Variants in HDAC4 observed in about 807,000 individuals in gnomAD.
HDAC4 encodes the protein histone deacetylase A.
In HDAC4, 16 loss-of-function variants were observed where a neutral mutation model predicts 135.1. The observed-to-expected ratio is 0.12, with a 90% confidence interval of 0.08 to 0.18. The LOEUF is 0.18. Ranked by LOEUF, HDAC4 falls within the 10% of genes least tolerant of loss-of-function variation. The pLI is 1.00. For missense variants in HDAC4, 1,143 were observed against 1,511.8 expected (o/e 0.76, Z 4.05); for synonymous variants, 685 against 653.4 (o/e 1.05, Z -0.74).
intron 2 of HDAC4, among the ~76,000 whole-genome samples, chr2:239,268,854 T>G (rs1482047686): frequency 1.3e-5 from 2 of 152,144 alleles, no homozygotes; most frequent in African/African-American, 4.8e-5. Flanking sequence ...GGGCACCAGG[T>G]GGATGGTGCC....
intron 2 of HDAC4, among the ~76,000 whole-genome samples, chr2:239,265,656 C>T (rs1187232187): frequency 1.3e-5 from 2 of 152,214 alleles, no homozygotes; most frequent in Non-Finnish European, 2.9e-5. Flanking sequence ...CTCACCAGGC[C>T]ACAGCGCCGG....
At chr2:239,169,992 C>G (rs2043353182) in intron 5 of HDAC4, among the ~76,000 whole-genome samples, 1 of 152,214 alleles carries the variant, frequency 6.6e-6, no homozygotes, top group Admixed American at 6.5e-5. Flanking sequence ...AATATAAACC[C>G]TCCTCAGAGG....
intron 12 of HDAC4, among the ~76,000 whole-genome samples, chr2:239,121,787 C>T (rs926017383): frequency 2.6e-5 from 4 of 152,220 alleles, no homozygotes; most frequent in African/African-American, 7.2e-5. Flanking sequence ...TTGGCACTGA[C>T]GCAGGCGCCT....
At chr2:239,170,195 G>A (rs971741263) in intron 5 of HDAC4, among the ~76,000 whole-genome samples, 3 of 152,088 alleles carry the variant, frequency 2.0e-5, no homozygotes, top group African/African-American at 7.2e-5. Flanking sequence ...TGTACTCTTA[G>A]GAAAAATATA....
intron 20 of HDAC4, among the ~76,000 whole-genome samples, chr2:239,083,834 C>T (rs112264148): frequency 2.0e-5 from 3 of 152,198 alleles, no homozygotes; most frequent in Admixed American, 6.5e-5. Flanking sequence ...AGGCCACACA[C>T]GCAAAGTAGA....
chr2:239,301,626 G>A (rs146275849), intron 2 of HDAC4, among the ~76,000 whole-genome samples: 63 of 152,102 alleles, frequency 4.1e-4, no homozygotes, highest in African/African-American at 1.4e-3. Flanking sequence ...GACTACAGAC[G>A]CATACCACCA....
chr2:239,231,825 C>T (rs1264626310), intron 3 of HDAC4, among the ~76,000 whole-genome samples: 4 of 96,642 alleles, frequency 4.1e-5, no homozygotes, highest in East Asian at 7.2e-4. Flanking sequence ...CACCTGCTCC[C>T]GGATGCCTGA....
At chr2:239,380,081 G>A (rs1478355045) in intron 1 of HDAC4, among the ~76,000 whole-genome samples, 2 of 152,242 alleles carry the variant, frequency 1.3e-5, no homozygotes, top group African/African-American at 2.4e-5. Context: ...CCTGGGGTCG[G>A]GGGCGCGGCG....
intron 22 of HDAC4, 64 bp downstream of exon 22, chr2:239,081,031 C>T: frequency 7.9e-7 from 1 of 1,270,322 alleles, no homozygotes; most frequent in East Asian, 2.4e-5. Context: ...ACAAGTGCTT[C>T]CTGGAATGTG....
intron 1 of HDAC4, among the ~76,000 whole-genome samples, chr2:239,357,888 CAAAAAAAAAAA>C (rs71043188): frequency 4.3e-4 from 24 of 55,648 alleles, no homozygotes; most frequent in African/African-American, 1.2e-3. Context: ...GCCTCTGTTC[CAAAAAAAAAAA>C]AAAAAAAAAA....
chr2:239,209,650 G>A (rs79640785), intron 3 of HDAC4, among the ~76,000 whole-genome samples: 4,936 of 152,250 alleles, frequency 0.032, 252 homozygotes, highest in African/African-American at 0.11. Flanking sequence ...AAAATATGAC[G>A]TTGTTACATC....
chr2:239,369,205 C>G (rs2125997968), intron 1 of HDAC4, among the ~76,000 whole-genome samples: 1 of 152,340 alleles, frequency 6.6e-6, no homozygotes, highest in Non-Finnish European at 1.5e-5. Flanking sequence ...AAGACAGCAG[C>G]ACGGCCCATT....
chr2:239,336,622 T>G (rs1297568741), intron 2 of HDAC4, among the ~76,000 whole-genome samples: 4 of 152,230 alleles, frequency 2.6e-5, no homozygotes, highest in Non-Finnish European at 5.9e-5. Flanking sequence ...TCTATAAATG[T>G]ACTTCATTTT....
intron 16 of HDAC4, among the ~76,000 whole-genome samples, chr2:239,099,820 A>T (rs942091270): frequency 6.6e-6 from 1 of 152,178 alleles, no homozygotes. Flanking sequence ...ACCCTCTCAC[A>T]GACCACCCAG....
rs755432476 is a variant in HDAC4, at chr2:239,126,638, C to A, written c.1351G>T (p.Ala451Ser). ...LPLHAQSLVG[A>S]DRVSPSIHKL... ...TGGATGGAGGGGGACACCCGGTCTGCACCAACCAAGGACTGTGCGTGGAGG... is the reference window on the plus strand; with the variant it reads ...TGGATGGAGGGGGACACCCGGTCTGAACCAACCAAGGACTGTGCGTGGAGG... Residue 451 changes from alanine to serine, a missense_variant, in exon 12 of 27, where the codon GCA (alanine) becomes TCA (serine). This residue lies in a region of HDAC4 where 272 missense variants were observed against 309.7 expected (regional missense o/e 0.88). Transcript: ENST00000543185. The A allele has an allele frequency of 1.2e-6, 2 of 1,614,054 alleles. No homozygotes were observed. The highest frequency in any genetic ancestry group is 2.2e-5 in the South Asian group (2 of 91,092).
intron 2 of HDAC4, among the ~76,000 whole-genome samples, chr2:239,318,734 A>AT (rs1323960696): frequency 6.6e-6 from 1 of 151,898 alleles, no homozygotes; most frequent in East Asian, 1.9e-4. Flanking sequence ...TCTTTGGACT[A>AT]TTTTTTGCTG....
At chr2:239,197,159 GC>G (rs2045445535) in intron 3 of HDAC4, among the ~76,000 whole-genome samples, 1 of 152,182 alleles carries the variant, frequency 6.6e-6, no homozygotes, top group African/African-American at 2.4e-5. Context: ...AGTAAGTTCT[GC>G]ACATCTGAAA....
At chr2:239,279,427 A>C (rs1484863376) in intron 2 of HDAC4, among the ~76,000 whole-genome samples, 1 of 152,256 alleles carries the variant, frequency 6.6e-6, no homozygotes, top group Non-Finnish European at 1.5e-5. Flanking sequence ...GAGAAAATCA[A>C]GGTTCAAAGA....
At chr2:239,232,124 C>T (rs1215338864) in intron 3 of HDAC4, among the ~76,000 whole-genome samples, 2 of 152,274 alleles carry the variant, frequency 1.3e-5, no homozygotes, top group East Asian at 3.9e-4. Context: ...GAAGCCAGCT[C>T]GACCTCCAGC....
Sources: allele counts gnomAD v4.1 joint callset (sites outside exome capture counted in the v4.1 genomes callset), GRCh38; gene constraint gnomAD v4.1.1; regional missense constraint gnomAD v4.1.1; transcripts MANE v1.5; gene names NCBI Gene and HGNC (gene_info 2026-07-23, HGNC 2026-07-21).